DYM: variants seen among roughly 807,000 people sequenced by gnomAD.
DYM encodes the protein dyggve-Melchior-Clausen syndrome protein.
A neutral mutation model predicts 93.1 loss-of-function variants in DYM; 78 were observed. The observed-to-expected ratio is 0.84, with a 90% confidence interval of 0.70 to 1.01. DYM has a LOEUF of 1.01. Ranked by LOEUF, DYM falls within the 50% of genes least tolerant of loss-of-function variation. The pLI is 0.00. For missense variants in DYM, 789 were observed against 845.0 expected, an observed-to-expected ratio of 0.93 and a Z score of 0.82; for synonymous variants, 321 against 319.7, an observed-to-expected ratio of 1.00 and a Z score of -0.04.
At chr18:49,395,927 G>A (rs113865951) in intron 2 of DYM, among the ~76,000 whole-genome samples, 1,655 of 152,254 alleles carry the variant, frequency 0.011, 28 homozygotes, top group African/African-American at 0.038. Flanking sequence ...GGTCATGGGG[G>A]CAGATCCCTT....
At chr18:49,215,967 C>T (rs569302909) in intron 13 of DYM, among the ~76,000 whole-genome samples, 346 of 104,864 alleles carry the variant, frequency 3.3e-3, no homozygotes, top group African/African-American at 0.01. Flanking sequence ...ACTCGGGAAG[C>T]GCAAGGGGTC....
intron 15 of DYM, among the ~76,000 whole-genome samples, chr18:49,135,646 AAG>A (rs1471262584): frequency 6.6e-6 from 1 of 152,224 alleles, no homozygotes; most frequent in Non-Finnish European, 1.5e-5. Context: ...ATCAGGCACT[AAG>A]AGAAACTAAC....
intron 14 of DYM, among the ~76,000 whole-genome samples, chr18:49,203,194 C>A (rs1362684847): frequency 2.2e-5 from 2 of 88,902 alleles, no homozygotes; most frequent in Non-Finnish European, 5.0e-5. Context: ...GTCAGCCCCC[C>A]GCCCGGCCAG....
intron 1 of DYM, among the ~76,000 whole-genome samples, chr18:49,453,579 C>A (rs111788576): frequency 3.3e-5 from 5 of 152,108 alleles, no homozygotes; most frequent in African/African-American, 1.2e-4. Flanking sequence ...TAACACTCAC[C>A]GTGAGGGTCC....
At chr18:49,456,531 A>C (rs2083000461) in intron 1 of DYM, among the ~76,000 whole-genome samples, 1 of 152,230 alleles carries the variant, frequency 6.6e-6, no homozygotes, top group Admixed American at 6.5e-5. Context: ...AAAAGAAAAG[A>C]TAAGCTTTTT....
At chr18:49,112,420 T>G (rs1471584967) in intron 16 of DYM, among the ~76,000 whole-genome samples, 1 of 152,152 alleles carries the variant, frequency 6.6e-6, no homozygotes, top group Non-Finnish European at 1.5e-5. Flanking sequence ...GTATGGTGGC[T>G]ACCTACCCCT....
chr18:49,067,236 G>A (rs2076492857), intron 17 of DYM, among the ~76,000 whole-genome samples: 1 of 129,046 alleles, frequency 7.7e-6, no homozygotes, highest in African/African-American at 2.9e-5. Context: ...GTAGAGGAAG[G>A]AGTGGGGTGA....
At chr18:49,104,555 T>C (rs999403262) in intron 16 of DYM, among the ~76,000 whole-genome samples, 2 of 152,226 alleles carry the variant, frequency 1.3e-5, no homozygotes, top group Admixed American at 6.5e-5. Context: ...GGGTCTTTCA[T>C]AGATAGCTCT....
chr18:49,121,586 A>C (rs2082386439), intron 15 of DYM, among the ~76,000 whole-genome samples: 1 of 152,152 alleles, frequency 6.6e-6, no homozygotes, highest in Non-Finnish European at 1.5e-5. Context: ...CCAAACAAAA[A>C]CCAAAAGAAC....
chr18:49,173,749 T>C (rs1457934393), intron 14 of DYM, among the ~76,000 whole-genome samples: 1 of 152,140 alleles, frequency 6.6e-6, no homozygotes, highest in Non-Finnish European at 1.5e-5. Context: ...TTAGGACTTT[T>C]AAAACACATA....
intron 6 of DYM, among the ~76,000 whole-genome samples, chr18:49,340,469 G>T (rs1409234899): frequency 6.6e-6 from 1 of 152,092 alleles, no homozygotes; most frequent in Non-Finnish European, 1.5e-5. Context: ...CATCAGAATG[G>T]CTATCTATGG....
chr18:49,182,112 G>T (rs1391243725), intron 14 of DYM, among the ~76,000 whole-genome samples: 2 of 152,138 alleles, frequency 1.3e-5, no homozygotes, highest in African/African-American at 4.8e-5. Flanking sequence ...TTTCCAGAAA[G>T]TTATCCATTA....
intron 14 of DYM, among the ~76,000 whole-genome samples, chr18:49,187,915 G>A (rs2090604622): frequency 6.6e-6 from 1 of 152,088 alleles, no homozygotes; most frequent in South Asian, 2.1e-4. Context: ...TGATTATGGA[G>A]AGAGATATCA....
intron 3 of DYM, among the ~76,000 whole-genome samples, chr18:49,388,568 T>C (rs2068859620): frequency 6.6e-6 from 1 of 151,446 alleles, no homozygotes; most frequent in Non-Finnish European, 1.5e-5. Flanking sequence ...TGGCTAAGAA[T>C]TTTCCAATAC....
chr18:49,361,781 C>T (rs113676120), intron 6 of DYM, among the ~76,000 whole-genome samples: 13,865 of 152,042 alleles, frequency 0.091, 842 homozygotes, highest in East Asian at 0.31. Flanking sequence ...AGTGCAGTGG[C>T]GTGATCTCGG....
chr18:49,222,355 C>T (rs2093394822), intron 13 of DYM, among the ~76,000 whole-genome samples: 1 of 152,052 alleles, frequency 6.6e-6, no homozygotes, highest in African/African-American at 2.4e-5. Flanking sequence ...ACAGACTCCT[C>T]AATAATGAGC....
chr18:49,123,516 T>C (rs1023617894), intron 15 of DYM, among the ~76,000 whole-genome samples: 12 of 152,210 alleles, frequency 7.9e-5, no homozygotes, highest in African/African-American at 2.9e-4. Flanking sequence ...TTCCAGCTCC[T>C]AATTTCTAGC....
intron 6 of DYM, among the ~76,000 whole-genome samples, chr18:49,361,431 C>T (rs189252250): frequency 6.6e-6 from 1 of 152,346 alleles, no homozygotes. Context: ...AATTATATCT[C>T]CATGTAGACT....
intron 8 of DYM, among the ~76,000 whole-genome samples, chr18:49,296,078 G>A (rs577141824): frequency 6.6e-6 from 1 of 152,236 alleles, no homozygotes; most frequent in South Asian, 2.1e-4. Flanking sequence ...GGTGGCAGGT[G>A]CCACCACACC....
Sources: allele counts gnomAD v4.1 joint callset (sites outside exome capture counted in the v4.1 genomes callset), GRCh38; gene constraint gnomAD v4.1.1; transcripts MANE v1.5; gene names NCBI Gene and HGNC (gene_info 2026-07-23, HGNC 2026-07-21).